NELL1: variants seen among roughly 807,000 people sequenced by gnomAD.
NELL1 encodes protein kinase C-binding protein NELL1.
In NELL1, 76 loss-of-function variants were observed where a neutral mutation model predicts 107.4. The ratio of observed to expected loss-of-function variants is 0.71; its 90% CI spans 0.59 to 0.86. The LOEUF (loss-of-function observed/expected upper bound fraction) is 0.86. Ranked by LOEUF, NELL1 falls within the 40% of genes least tolerant of loss-of-function variation. The probability of loss-of-function intolerance (pLI) is 0.00; values close to 1 mark genes in which losing one functional copy is unlikely to be tolerated. For synonymous variants in NELL1, 353 were observed against 341.2 expected (o/e 1.03, Z -0.38); for missense variants, 1,024 against 1,005.5 (o/e 1.02, Z -0.25).
chr11:20,890,094 A>T (rs531386016), intron 5 of NELL1, among the ~76,000 whole-genome samples: 12 of 152,214 alleles, frequency 7.9e-5, no homozygotes, highest in African/African-American at 2.9e-4. Context: ...TACAGGAGCA[A>T]TCCTACTGGC....
chr11:21,563,277 GA>G (rs761003589), intron 17 of NELL1, among the ~76,000 whole-genome samples: 1 of 152,066 alleles, frequency 6.6e-6, no homozygotes, highest in Non-Finnish European at 1.5e-5. Flanking sequence ...TGCTACATGG[GA>G]AGGTAGAGAC....
intron 12 of NELL1, among the ~76,000 whole-genome samples, chr11:21,081,132 C>T (rs1228378167): frequency 6.6e-6 from 1 of 152,096 alleles, no homozygotes; most frequent in African/African-American, 2.4e-5. Flanking sequence ...TCACTCTTCT[C>T]TGACTTAATG....
chr11:21,446,583 T>C (rs1853439201), intron 15 of NELL1, among the ~76,000 whole-genome samples: 2 of 152,220 alleles, frequency 1.3e-5, no homozygotes, highest in African/African-American at 4.8e-5. Context: ...AGTCCAGTAA[T>C]GCTGTAGTTC....
intron 12 of NELL1, among the ~76,000 whole-genome samples, chr11:21,009,492 G>T (rs569337799): frequency 1.3e-5 from 2 of 152,042 alleles, no homozygotes; most frequent in South Asian, 2.1e-4. Flanking sequence ...TCACAGTGAG[G>T]CAGAGGGTAT....
intron 3 of NELL1, among the ~76,000 whole-genome samples, chr11:20,797,363 G>A (rs1857190011): frequency 6.6e-6 from 1 of 151,804 alleles, no homozygotes; most frequent in Admixed American, 6.6e-5. Context: ...AGGAGATCGA[G>A]ACCATCCTGG....
At chr11:20,691,006 T>G (rs376147210) in intron 2 of NELL1, among the ~76,000 whole-genome samples, 30,511 of 151,166 alleles carry the variant, frequency 0.2, 3,382 homozygotes, top group African/African-American at 0.27. Context: ...CACGTCCCTT[T>G]TAAGTTGGAT....
intron 2 of NELL1, among the ~76,000 whole-genome samples, chr11:20,753,001 A>G (rs1034683994): frequency 3.3e-5 from 5 of 152,214 alleles, no homozygotes; most frequent in African/African-American, 9.6e-5. Flanking sequence ...ATTTGATTCA[A>G]TTTTTCCTTC....
chr11:21,309,260 GTATATATATATATATATATGTATATA>G (rs1248156486), intron 14 of NELL1, among the ~76,000 whole-genome samples: 6 of 99,668 alleles, frequency 6.0e-5, no homozygotes, highest in Admixed American at 3.9e-4. Flanking sequence ...ATATATATAT[GTATATATATATATATATATGTATATA>G]TATATATATA....
intron 14 of NELL1, among the ~76,000 whole-genome samples, chr11:21,336,166 T>G (rs1850390190): frequency 6.6e-6 from 1 of 152,044 alleles, no homozygotes; most frequent in African/African-American, 2.4e-5. Context: ...AACCTGCCCT[T>G]AGACATTAAA....
At chr11:21,255,321 T>G (rs2133915663) in intron 14 of NELL1, among the ~76,000 whole-genome samples, 1 of 152,216 alleles carries the variant, frequency 6.6e-6, no homozygotes, top group African/African-American at 2.4e-5. Context: ...TGTGTTGTTC[T>G]TTTAGTGATG....
At chr11:20,961,935 C>G (rs1222912286) in intron 12 of NELL1, among the ~76,000 whole-genome samples, 7 of 152,152 alleles carry the variant, frequency 4.6e-5, no homozygotes, top group African/African-American at 1.4e-4. Flanking sequence ...CTTATTACTA[C>G]TAGAGACCAG....
intron 15 of NELL1, among the ~76,000 whole-genome samples, chr11:21,419,279 G>A (rs915372865): frequency 2.0e-5 from 3 of 151,940 alleles, no homozygotes; most frequent in African/African-American, 7.2e-5. Context: ...ATCCCAAACT[G>A]ATCTTTTATC....
intron 3 of NELL1, among the ~76,000 whole-genome samples, chr11:20,847,304 A>G (rs1848717169): frequency 1.3e-5 from 2 of 152,198 alleles, no homozygotes; most frequent in South Asian, 4.1e-4. Flanking sequence ...TGAAGTATTT[A>G]AGAAACACTG....
intron 15 of NELL1, among the ~76,000 whole-genome samples, chr11:21,429,786 G>A (rs1852921868): frequency 6.6e-6 from 1 of 152,120 alleles, no homozygotes; most frequent in Non-Finnish European, 1.5e-5. Context: ...GACAACCTTA[G>A]TCTCTTTGAG....
At position 20,986,792 on chromosome 11, in the gene NELL1, G is replaced by T. The variant is rs115113346; in HGVS notation, c.1300+26232G>T. On this transcript the variant is annotated intron_variant, in intron 12 of 19. Transcript: ENST00000357134. ...TGTCAATATTTGTATCATTGTACAT[G>T]CTTTCAACTACAATGATGGGAAAAT... 3.6e-3 allele frequency among the ~76,000 whole-genome samples: 552 copies of T among 151,866 alleles called. 4 individuals carry two copies. The highest frequency in any genetic ancestry group is 0.012 in the African/African-American group (514 of 41,402).
intron 4 of NELL1, among the ~76,000 whole-genome samples, chr11:20,863,090 G>T (rs1233526797): frequency 6.6e-6 from 1 of 152,144 alleles, no homozygotes; most frequent in Non-Finnish European, 1.5e-5. Flanking sequence ...TCGTCATCAT[G>T]GCCCGTTCTC....
Position 21,275,469 on chromosome 11 carries a change from G to A in NELL1, c.1549+46015G>A, listed in dbSNP as rs541456136. Among the ~76,000 whole-genome samples the A allele has an allele frequency of 3.3e-5, 5 of 152,240 alleles. No homozygotes were observed. The East Asian group carries it at 7.7e-4, about 24-fold the overall frequency. Reference sequence around the variant, plus strand: ...GATTCACAGCCGAATTCTACCAGAGGTACAAGGAGGAGCTGGTACCATTCC... The same window carrying A: ...GATTCACAGCCGAATTCTACCAGAGATACAAGGAGGAGCTGGTACCATTCC... On this transcript the variant is annotated intron_variant, in intron 14 of 19. Coordinates refer to ENST00000357134, the MANE Select transcript of NELL1 (RefSeq NM_006157.5).
At chr11:20,679,030 C>T (rs145437901) in intron 2 of NELL1, among the ~76,000 whole-genome samples, 317 of 152,252 alleles carry the variant, frequency 2.1e-3, no homozygotes, top group Non-Finnish European at 3.5e-3. Flanking sequence ...AAAAGACTTT[C>T]GCATGGCGGA....
chr11:20,888,075 A>T (rs1431506757), intron 5 of NELL1, among the ~76,000 whole-genome samples: 3 of 152,336 alleles, frequency 2.0e-5, no homozygotes, highest in South Asian at 2.1e-4. Context: ...TAGTTGAACT[A>T]AAAAGCACTT....
Sources: gnomAD v4.1 joint callset for allele counts (sites outside exome capture counted in the v4.1 genomes callset) on GRCh38, gnomAD v4.1.1 for gene constraint, MANE v1.5 for transcripts, NCBI Gene and HGNC (gene_info 2026-07-23, HGNC 2026-07-21) for gene names.